GMDS: variants seen among roughly 807,000 people sequenced by gnomAD.
The protein encoded by GMDS is GDP-mannose 4,6-dehydratase, also known as GDP-mannose 4,6 dehydratase.
In GMDS, 20 loss-of-function variants were observed where a neutral mutation model predicts 49.9. That is an observed-to-expected ratio of 0.40 (90% CI 0.28 to 0.58). The LOEUF (loss-of-function observed/expected upper bound fraction) is 0.58, where lower values mean the gene tolerates loss of function less well. Among genes scored for constraint, GMDS ranks in the 20% least tolerant of loss-of-function variants. The probability of loss-of-function intolerance (pLI) is 0.42; values close to 1 mark genes in which losing one functional copy is unlikely to be tolerated. For missense variants in GMDS, 362 were observed against 481.4 expected (o/e 0.75, Z 2.32); for synonymous variants, 177 against 178.6 (o/e 0.99, Z 0.07).
intron 1 of GMDS, among the ~76,000 whole-genome samples, chr6:2,145,117 T>C (rs1776486323): frequency 6.6e-6 from 1 of 152,136 alleles, no homozygotes; most frequent in Admixed American, 6.5e-5. Flanking sequence ...TTCAATTAGG[T>C]GTATGATAAC....
intron 1 of GMDS, among the ~76,000 whole-genome samples, chr6:2,237,406 C>T (rs1581843597): frequency 6.6e-6 from 1 of 151,808 alleles, no homozygotes; most frequent in East Asian, 1.9e-4. Flanking sequence ...TAAGCTTATA[C>T]AGGAATGGTT....
intron 1 of GMDS, among the ~76,000 whole-genome samples, chr6:2,200,368 C>T (rs1779458005): frequency 6.6e-6 from 1 of 151,250 alleles, no homozygotes; most frequent in Admixed American, 6.6e-5. Flanking sequence ...GCAGTGAGGG[C>T]AGCATGTTAG....
At chr6:1,914,157 T>TTA (rs1761242252) in intron 7 of GMDS, among the ~76,000 whole-genome samples, 1 of 144,370 alleles carries the variant, frequency 6.9e-6, no homozygotes. Context: ...TTTTTTTTTT[T>TTA]AATTAAGAGA....
chr6:2,015,059 T>C (rs1767804888), intron 4 of GMDS, among the ~76,000 whole-genome samples: 1 of 152,102 alleles, frequency 6.6e-6, no homozygotes, highest in Non-Finnish European at 1.5e-5. Flanking sequence ...ACAAAATTCA[T>C]CAGACATGAC....
intron 6 of GMDS, among the ~76,000 whole-genome samples, chr6:1,936,878 A>C (rs559136203): frequency 2.0e-5 from 3 of 151,966 alleles, no homozygotes; most frequent in Admixed American, 2.0e-4. Flanking sequence ...GAGGCACGAA[A>C]ATCATTTGAA....
At chr6:1,645,280 C>G (rs1763452589) in intron 9 of GMDS, among the ~76,000 whole-genome samples, 1 of 152,210 alleles carries the variant, frequency 6.6e-6, no homozygotes, top group Non-Finnish European at 1.5e-5. Flanking sequence ...CTTCCCCAAA[C>G]TGAATGCAAG....
intron 6 of GMDS, among the ~76,000 whole-genome samples, chr6:1,945,929 T>C (rs570826489): frequency 1.3e-5 from 2 of 152,216 alleles, no homozygotes; most frequent in African/African-American, 2.4e-5. Flanking sequence ...CCCAGGATAG[T>C]GTCTATAAAC....
At chr6:1,638,988 G>A (rs189824369) in intron 9 of GMDS, among the ~76,000 whole-genome samples, 3 of 152,136 alleles carry the variant, frequency 2.0e-5, no homozygotes, top group South Asian at 2.1e-4. Context: ...GCCAACATTC[G>A]TTCATACATG....
chr6:1,691,434 AG>A (rs1765170636), intron 9 of GMDS, among the ~76,000 whole-genome samples: 1 of 152,180 alleles, frequency 6.6e-6, no homozygotes, highest in Non-Finnish European at 1.5e-5. Context: ...ATGGGTTGAC[AG>A]GTGCAGCAAA....
chr6:1,789,458 G>C (rs575129684), intron 7 of GMDS, among the ~76,000 whole-genome samples: 6 of 152,076 alleles, frequency 3.9e-5, no homozygotes, highest in African/African-American at 1.2e-4. Flanking sequence ...CTAGGAATCA[G>C]GACAAAGGCC....
At chr6:2,117,735 T>G (rs1774924645) in intron 2 of GMDS, among the ~76,000 whole-genome samples, 179 bp from the exon 3 acceptor site, 1 of 152,228 alleles carries the variant, frequency 6.6e-6, no homozygotes, top group Non-Finnish European at 1.5e-5. Flanking sequence ...ATCCTACCTC[T>G]GTCTTTCCCC....
intron 4 of GMDS, among the ~76,000 whole-genome samples, chr6:1,979,062 C>A (rs1765077854): frequency 6.6e-6 from 1 of 152,168 alleles, no homozygotes; most frequent in Non-Finnish European, 1.5e-5. Context: ...GTCAGCAACT[C>A]ATTTGTAAAT....
intron 9 of GMDS, among the ~76,000 whole-genome samples, chr6:1,636,932 G>T (rs1295839904): frequency 6.6e-6 from 1 of 152,212 alleles, no homozygotes; most frequent in Non-Finnish European, 1.5e-5. Flanking sequence ...GGATCGCTGG[G>T]ACCGGAAGAA....
At chr6:1,866,807 G>A (rs971700034) in intron 7 of GMDS, among the ~76,000 whole-genome samples, 5 of 152,092 alleles carry the variant, frequency 3.3e-5, no homozygotes, top group Admixed American at 6.5e-5. Context: ...GTGCCCCCCC[G>A]GGGTACCCCT....
At chr6:1,755,737 C>T (rs1271312989) in intron 7 of GMDS, among the ~76,000 whole-genome samples, 1 of 152,146 alleles carries the variant, frequency 6.6e-6, no homozygotes, top group Non-Finnish European at 1.5e-5. Context: ...GGACCCCTTC[C>T]TTATGCCTTA....
At chr6:2,083,946 A>G (rs902581890) in intron 4 of GMDS, among the ~76,000 whole-genome samples, 2 of 152,244 alleles carry the variant, frequency 1.3e-5, no homozygotes, top group Admixed American at 6.5e-5. Context: ...GCTAAAATAT[A>G]TAATATTTAA....
intron 2 of GMDS, among the ~76,000 whole-genome samples, chr6:2,122,077 A>G (rs1690292906): frequency 6.6e-6 from 1 of 152,210 alleles, no homozygotes; most frequent in African/African-American, 2.4e-5. Context: ...TGACCTTAGT[A>G]GTATACCTCA....
chr6:2,151,805 A>G (rs1776858786), intron 1 of GMDS, among the ~76,000 whole-genome samples: 1 of 152,096 alleles, frequency 6.6e-6, no homozygotes, highest in Admixed American at 6.6e-5. Flanking sequence ...ATTCATCTTA[A>G]TCTTGTTCTA....
chr6:1,864,937 T>C (rs1272946092), intron 7 of GMDS, among the ~76,000 whole-genome samples: 1 of 152,232 alleles, frequency 6.6e-6, no homozygotes, highest in Non-Finnish European at 1.5e-5. Context: ...CATTGTTTCC[T>C]TTGCCTTGTT....
Sources: gnomAD v4.1 joint callset for allele counts (sites outside exome capture counted in the v4.1 genomes callset) on GRCh38, gnomAD v4.1.1 for gene constraint, MANE v1.5 for transcripts, NCBI Gene and HGNC (gene_info 2026-07-23, HGNC 2026-07-21) for gene names.